The following TANGO6 variants were observed in gnomAD, a reference collection of about 807,000 sequenced individuals.
TANGO6 encodes the protein transport and Golgi organization protein 6 homolog.
In TANGO6, 90 loss-of-function variants were observed where a neutral mutation model predicts 114.2. The observed-to-expected ratio is 0.79, with a 90% CI of 0.66 to 0.94. The LOEUF (loss-of-function observed/expected upper bound fraction) is 0.94. Ranked by LOEUF, TANGO6 falls within the 40% of genes least tolerant of loss-of-function variation. The pLI is 0.00. For synonymous variants in TANGO6, 477 were observed against 509.8 expected, an observed-to-expected ratio of 0.94 and a Z score of 0.87; for missense variants, 1,274 against 1,315.3, an observed-to-expected ratio of 0.97 and a Z score of 0.49.
intron 14 of TANGO6, among the ~76,000 whole-genome samples, chr16:68,955,334 G>A (rs1425048539): frequency 2.6e-5 from 4 of 152,250 alleles, no homozygotes; most frequent in African/African-American, 9.6e-5. Flanking sequence ...TATTTGTCTT[G>A]CAATTCAGCA....
At chr16:68,977,487 G>A (rs1049416015) in intron 15 of TANGO6, among the ~76,000 whole-genome samples, 19 of 150,734 alleles carry the variant, frequency 1.3e-4, no homozygotes, top group Admixed American at 8.6e-4. Flanking sequence ...AGACCGAGAC[G>A]ACGATCAAGA....
intron 16 of TANGO6, among the ~76,000 whole-genome samples, chr16:69,030,571 G>T (rs560322091): frequency 5.9e-5 from 9 of 152,170 alleles, no homozygotes; most frequent in African/African-American, 2.2e-4. Flanking sequence ...GAAAGTGCAG[G>T]TAGGGGCCAC....
chr16:68,871,244 T>C (rs1015133982), intron 4 of TANGO6, among the ~76,000 whole-genome samples: 28 of 152,370 alleles, frequency 1.8e-4, no homozygotes, highest in African/African-American at 6.5e-4. Context: ...GCTTGTGTCA[T>C]TTCTGATGAA....
At chr16:68,913,214 C>T (rs1213377815) in intron 11 of TANGO6, among the ~76,000 whole-genome samples, 1 of 151,814 alleles carries the variant, frequency 6.6e-6, no homozygotes, top group Non-Finnish European at 1.5e-5. Context: ...TACAGGCATG[C>T]ACCACCATGC....
rs762533797 is a variant in TANGO6 at position 68,907,591 on chromosome 16, A to G, written c.1800+16A>G. On this transcript the variant is annotated intron_variant, in intron 10 of 17. Coordinates refer to ENST00000261778, the MANE Select transcript of TANGO6 (RefSeq NM_024562.2). The stretch of plus-strand genomic sequence containing the variant: ...CTGTTTGAAAGTAAGAACTACCTGT[A>G]GTTCCTGGTCAGTGTTGTTCCAGGG... The G allele has an allele frequency of 6.2e-6, 10 of 1,607,778 alleles. No homozygotes were observed. The Admixed American group carries it at 1.2e-4, about 19-fold the overall frequency.
rs76808540 is a variant in TANGO6 at position 68,974,033 on chromosome 16, G to A, written c.2707G>A (p.Ala903Thr). The change falls in exon 15 of 18, where the codon GCC becomes ACC. Residue 903 changes from alanine (A) to threonine (T), a missense_variant. Coordinates refer to ENST00000261778, the MANE Select transcript of TANGO6 (RefSeq NM_024562.2). ...CTTTTTGTTTTCAACCCCAGGGGTT[G>A]CCCTGCTGTCAGACGTCTATCCTGA... ...FVYLSAIQGV[A>T]LLSDVYPEKI... 1 of 1,605,928 alleles carries A rather than the reference G, an allele frequency of 6.2e-7. No individual in the cohort carries two copies. The highest frequency in any genetic ancestry group is 1.3e-5 in the African/African-American group (1 of 74,940).
intron 16 of TANGO6, among the ~76,000 whole-genome samples, chr16:69,029,624 A>G (rs1435362407): frequency 6.6e-6 from 1 of 152,090 alleles, no homozygotes; most frequent in Admixed American, 6.6e-5. Flanking sequence ...AGGAAGGGAA[A>G]CTGATCAGGA....
At chr16:69,046,321 A>ATTT (rs573859095) in intron 17 of TANGO6, among the ~76,000 whole-genome samples, 3,817 of 140,950 alleles carry the variant, frequency 0.027, 175 homozygotes, top group African/African-American at 0.094. Context: ...TCAGAAAAGG[A>ATTT]TTTTTTTTTT....
intron 17 of TANGO6, among the ~76,000 whole-genome samples, chr16:69,048,258 ATTTTTTTTT>A (rs71383949): frequency 0.38 from 42,859 of 112,332 alleles, 7,223 homozygotes; most frequent in East Asian, 0.52. Context: ...AATTTTTTGT[ATTTTTTTTT>A]TTTTTTTTTT....
intron 13 of TANGO6, among the ~76,000 whole-genome samples, chr16:68,929,151 T>C (rs1187401236): frequency 6.6e-6 from 1 of 151,882 alleles, no homozygotes; most frequent in Non-Finnish European, 1.5e-5. Context: ...ACTCCTCACA[T>C]CAAGTGATTC....
chr16:68,961,748 C>T (rs192195258), intron 14 of TANGO6, among the ~76,000 whole-genome samples: 8 of 152,256 alleles, frequency 5.3e-5, no homozygotes, highest in South Asian at 2.1e-4. Context: ...GAGGTAGACA[C>T]TGGGTATGGT....
In TANGO6 at chr16:68,859,891, C is replaced by A; in HGVS notation, c.102C>A (p.Gly34=). 1.3e-6 allele frequency: 2 copies of A among 1,561,418 alleles called. No individual in the cohort carries two copies. Among genetic ancestry groups the A allele is most frequent in the South Asian group, 2.5e-5 (2 of 80,842 alleles). ...TTTTTTCTTCTTCAAAAGGCTCGGG[C>A]TCAAGTTCACTACAGGTCACAAAAC... ...LKLLLSPGGS[G]SSSLQVTKHD... is the part of the protein sequence containing the mutation. The change falls in exon 2 of 18, where the codon GGC becomes GGA. Residue 34 remains glycine (G), a synonymous_variant. Transcript: ENST00000261778.
chr16:68,889,035 G>A (rs1008027909), intron 7 of TANGO6, among the ~76,000 whole-genome samples: 3 of 152,154 alleles, frequency 2.0e-5, no homozygotes, highest in Admixed American at 6.5e-5. Flanking sequence ...TGTTGGCTGG[G>A]TTGTTCTCGA....
intron 15 of TANGO6, among the ~76,000 whole-genome samples, chr16:69,013,388 G>A (rs1358637906): frequency 3.3e-5 from 5 of 152,014 alleles, no homozygotes; most frequent in African/African-American, 4.8e-5. Context: ...AGCTGAGGTG[G>A]GAGGATCACT....
intron 17 of TANGO6, among the ~76,000 whole-genome samples, chr16:69,041,432 G>A (rs1014665170): frequency 2.7e-5 from 4 of 149,786 alleles, no homozygotes; most frequent in Non-Finnish European, 5.9e-5. Flanking sequence ...GGCAACAAGA[G>A]TGAAATTCTG....
intron 1 of TANGO6, among the ~76,000 whole-genome samples, chr16:68,848,789 T>C (rs191599904): frequency 1.5e-4 from 23 of 152,308 alleles, no homozygotes; most frequent in Admixed American, 4.6e-4. Context: ...ATAGATTTTA[T>C]GTATTTGATG....
intron 14 of TANGO6, among the ~76,000 whole-genome samples, chr16:68,951,223 T>C (rs940724105): frequency 6.6e-6 from 1 of 150,928 alleles, no homozygotes; most frequent in African/African-American, 2.4e-5. Context: ...CTCTGGAGGC[T>C]GAAGTGGGAG....
At chr16:68,942,463 A>G (rs987320601) in intron 14 of TANGO6, among the ~76,000 whole-genome samples, 10 of 152,206 alleles carry the variant, frequency 6.6e-5, no homozygotes, top group Middle Eastern at 3.2e-3. Context: ...AAAGGTAAAG[A>G]AAAACCTCTT....
chr16:68,975,908 G>A (rs1324766319), intron 15 of TANGO6, among the ~76,000 whole-genome samples: 2 of 151,810 alleles, frequency 1.3e-5, no homozygotes, highest in Non-Finnish European at 2.9e-5. Flanking sequence ...TGTGTGAAAT[G>A]ATGATATTAT....
Sources: allele counts gnomAD v4.1 joint callset (sites outside exome capture counted in the v4.1 genomes callset), GRCh38; gene constraint gnomAD v4.1.1; transcripts MANE v1.5; gene names NCBI Gene and HGNC (gene_info 2026-07-23, HGNC 2026-07-21).